The following EPX variants were observed in gnomAD, a reference collection of about 807,000 sequenced individuals.
EPX encodes eosinophil peroxidase.
In EPX, 60 loss-of-function variants were observed where a neutral mutation model predicts 73.0. The ratio of observed to expected loss-of-function variants is 0.82; its 90% confidence interval spans 0.67 to 1.02. The LOEUF is 1.02. EPX is among the 50% of genes least tolerant of loss of function. EPX has a pLI of 0.00. For missense variants in EPX, 950 were observed against 973.9 expected, an observed-to-expected ratio of 0.98 and a Z score of 0.33; for synonymous variants, 347 against 389.2, an observed-to-expected ratio of 0.89 and a Z score of 1.28.
chr17:58,199,789 A>G lies in EPX; in HGVS notation c.1532A>G (p.Tyr511Cys). Residue 511 changes from tyrosine to cysteine, a missense_variant, in exon 9 of 13, where the codon TAT (tyrosine) becomes TGT (cysteine). By Grantham distance (194) the Tyr-to-Cys change is radical (BLOSUM62 -2). Transcript: ENST00000225371. ...SAFFASWRIV[Y>C]EGGIDPILRG... ...TTCTTTGCCAGCTGGCGGATCGTGT[A>G]TGAAGGTGACCAGGTTTTCCAGGGG... 6.2e-7 allele frequency: 1 copy of G among 1,604,616 alleles called. No homozygotes were observed. Among genetic ancestry groups the G allele is most frequent in the Non-Finnish European group, 8.5e-7 (1 of 1,175,304 alleles).
At chr17:58,200,688 G>C (rs1968328710) in intron 10 of EPX, among the ~76,000 whole-genome samples, 1 of 152,192 alleles carries the variant, frequency 6.6e-6, no homozygotes, top group African/African-American at 2.4e-5. Flanking sequence ...TAGAAAAAAA[G>C]CAATAGGCTT....
chr17:58,198,768 C>T (rs1264720052), intron 7 of EPX, among the ~76,000 whole-genome samples: 2 of 152,206 alleles, frequency 1.3e-5, no homozygotes, highest in Non-Finnish European at 2.9e-5. Flanking sequence ...AATCCTTAGG[C>T]AAAGATGCCC....
intron 7 of EPX, 149 bp downstream of exon 7, chr17:58,197,406 T>C (rs1460307422): frequency 2.1e-6 from 2 of 962,790 alleles, no homozygotes; most frequent in Admixed American, 2.1e-5. Flanking sequence ...ACAGCCATCA[T>C]AGAATCAGAA....
At position 58,200,449 on chromosome 17, in the gene EPX, G is replaced by A; in HGVS notation, c.1708+54G>A. On this transcript the variant is annotated intron_variant, in intron 10 of 12. Coordinates refer to ENST00000225371, the MANE Select transcript of EPX (RefSeq NM_000502.6). The stretch of plus-strand genomic sequence containing the variant: ...GCTTTGCTCGGGCCAGGCTGCTCAA[G>A]GGGTTCTGGGAAGACCCTGGTACCT... 3.8e-6 allele frequency: 6 copies of A among 1,572,274 alleles called. No homozygotes were observed. In the South Asian group the frequency reaches 5.6e-5, roughly 15 times the overall value.
rs1968273181 is a variant in EPX at position 58,197,314 on chromosome 17, A to G, written c.1120+57A>G. On this transcript the variant is annotated intron_variant, in intron 7 of 12. Coordinates refer to ENST00000225371, the MANE Select transcript of EPX (RefSeq NM_000502.6). ...GGAAACAGCCATCCCTGGGGTCCCAACTGGGAAGCAATGGTGGGATGTGGT... is the reference window on the plus strand; with the variant it reads ...GGAAACAGCCATCCCTGGGGTCCCAGCTGGGAAGCAATGGTGGGATGTGGT... 2.5e-6 allele frequency: 4 copies of G among 1,590,498 alleles called. No individual in the cohort carries two copies. In the African/African-American group the frequency reaches 4.0e-5, roughly 16 times the overall value.
chr17:58,197,536 T>C (rs1379229090), intron 7 of EPX, among the ~76,000 whole-genome samples: 1 of 152,204 alleles, frequency 6.6e-6, no homozygotes, highest in Non-Finnish European at 1.5e-5. Context: ...GCTCCGACTG[T>C]TAGAAAGTCT....
chr17:58,197,998 G>C (rs930195991), intron 7 of EPX, among the ~76,000 whole-genome samples: 4 of 152,038 alleles, frequency 2.6e-5, no homozygotes, highest in Non-Finnish European at 4.4e-5. Context: ...ACCACGTTTG[G>C]CTAATTTTTG....
At chr17:58,195,944 C>CCTTT (rs1968249218) in intron 6 of EPX, among the ~76,000 whole-genome samples, 1 of 151,106 alleles carries the variant, frequency 6.6e-6, no homozygotes, top group Non-Finnish European at 1.5e-5. Context: ...CTCTCTCCTT[C>CCTTT]CTTCCTTCTT....
Position 58,199,714 on chromosome 17 carries a change from G to C in EPX, c.1457G>C (p.Ser486Thr). The stretch of plus-strand genomic sequence containing the variant: ...CAGCCCTTCATGTTCCGCTTGGACA[G>C]TCAGTACCGGGCCTCCGCACCCAAC... ...MLQPFMFRLD[S>T]QYRASAPNSH... Residue 486 changes from serine to threonine, a missense_variant, in exon 9 of 13, where the codon AGT becomes ACT. Transcript: ENST00000225371. The C allele has an allele frequency of 6.2e-7, 1 of 1,614,242 alleles. No individual in the cohort carries two copies. Among genetic ancestry groups the C allele is most frequent in the Non-Finnish European group, 8.5e-7 (1 of 1,180,038 alleles).
intron 5 of EPX, among the ~76,000 whole-genome samples, chr17:58,194,370 G>GT (rs966092250): frequency 4.7e-4 from 72 of 152,294 alleles, no homozygotes; most frequent in African/African-American, 1.7e-3. Context: ...GTGTTGTACG[G>GT]TTTTTTCTGA....
rs762203083 is a variant in EPX at position 58,195,120 on chromosome 17, G to A, written c.751G>A (p.Val251Ile). The A allele has an allele frequency of 2.5e-5, 40 of 1,614,016 alleles. No homozygotes were observed. Among genetic ancestry groups the A allele is most frequent in the East Asian group, 1.1e-4 (5 of 44,894 alleles). ...SPARVAFTAG[V>I]DCERTCAQLP... Reference sequence around the variant, plus strand: ...GGCCAGAGTGGCCTTCACTGCAGGCGTTGACTGTGAGAGGACCTGCGCCCA... The same window carrying A: ...GGCCAGAGTGGCCTTCACTGCAGGCATTGACTGTGAGAGGACCTGCGCCCA... Residue 251 changes from valine (V) to isoleucine (I), a missense_variant, in exon 6 of 13, where the codon GTT (valine) becomes ATT (isoleucine). Physicochemically the swap from Val to Ile is conservative, Grantham distance 29 (BLOSUM62 3). Transcript: ENST00000225371.
chr17:58,204,477 C>T, intron 12 of EPX, 43 bp downstream of exon 12: 1 of 1,240,092 alleles, frequency 8.1e-7, no homozygotes, highest in Non-Finnish European at 1.2e-6. Context: ...GGGTTAAGCC[C>T]TCACATCCTT....
chr17:58,193,514 A>T lies in EPX; in HGVS notation c.314A>T (p.Gln105Leu), dbSNP rs763289535. Residue 105 changes from glutamine to leucine, a missense_variant, in exon 3 of 13, where the codon CAA becomes CTA. Gln to Leu is a moderately radical substitution (Grantham distance 113). Transcript: ENST00000225371. ...VALGLLEEKL[Q>L]PQRSGPFNVT... ...TTGGGGCTGCTTGAAGAGAAGTTAC[A>T]ACCCCAGCGGTCCGGACCCTTCAAT... 3 of 1,614,164 alleles carry T rather than the reference A, an allele frequency of 1.9e-6. No individual in the cohort carries two copies. The Admixed American group carries it at 5.0e-5, about 27-fold the overall frequency.
At position 58,199,049 on chromosome 17, in the gene EPX, G is replaced by T. The variant is rs754901703; in HGVS notation, c.1130G>T (p.Arg377Leu). ...RIPCFLAGDTRSTETPKLAAM... is the reference protein window; with the variant it reads ...RIPCFLAGDTLSTETPKLAAM... ...GCTTGGGGTTTTCAAGGTGACACCC[G>T]ATCAACGGAAACCCCCAAACTGGCA... The change falls in exon 8 of 13, where the codon CGA becomes CTA. Residue 377 changes from arginine (R) to leucine (L), a missense_variant. Physicochemically the swap from Arg to Leu is moderately radical, Grantham distance 102. Transcript: ENST00000225371. The T allele has an allele frequency of 1.2e-6, 2 of 1,613,590 alleles. No homozygotes were observed. The highest frequency in any genetic ancestry group is 2.7e-5 in the African/African-American group (2 of 74,918).
In EPX at chr17:58,199,074, A is replaced by T; in HGVS notation, c.1155A>T (p.Ala385=). The change falls in exon 8 of 13, where the codon GCA becomes GCT. Residue 385 remains alanine, a synonymous_variant. Coordinates refer to ENST00000225371, the MANE Select transcript of EPX (RefSeq NM_000502.6). Reference sequence around the variant, plus strand: ...GATCAACGGAAACCCCCAAACTGGCAGCCATGCACACCCTCTTTATGCGAG... The same window carrying T: ...GATCAACGGAAACCCCCAAACTGGCTGCCATGCACACCCTCTTTATGCGAG... The part of the protein sequence containing the change: ...DTRSTETPKL[A]AMHTLFMREH... 6.2e-7 allele frequency: 1 copy of T among 1,614,108 alleles called. No homozygotes were observed.
chr17:58,194,458 A>G (rs774182152), intron 5 of EPX, among the ~76,000 whole-genome samples: 1 of 152,186 alleles, frequency 6.6e-6, no homozygotes, highest in African/African-American at 2.4e-5. Flanking sequence ...TCTATTTCAC[A>G]TTTATCAACT....
intron 10 of EPX, 142 bp downstream of exon 10, chr17:58,200,537 G>A (rs776623797): frequency 1.0e-5 from 9 of 868,342 alleles, no homozygotes; most frequent in African/African-American, 3.3e-5. Context: ...GGCCAAGGTC[G>A]ATGTCCCAAA....
Position 58,203,310 on chromosome 17 carries a change from C to T in EPX, c.1938C>T (p.Asp646=), listed in dbSNP as rs372165563. ...AGAACCAGTTCAGAAGAGCCCGAGA[C>T]GGAGACAGGTAAGTGACCCTATCAT... ...LFENQFRRAR[D]GDRFWWQKRG... The change falls in exon 11 of 13, where the codon GAC becomes GAT. Residue 646 remains aspartate, a synonymous_variant. Coordinates refer to ENST00000225371, the MANE Select transcript of EPX (RefSeq NM_000502.6). 16 of 1,609,836 alleles carry T rather than the reference C, an allele frequency of 9.9e-6. No individual in the cohort carries two copies. The highest frequency in any genetic ancestry group is 9.4e-5 in the African/African-American group (7 of 74,790).
Position 58,192,859 on chromosome 17 carries a change from C to A in EPX, c.13C>A (p.Pro5Thr). Residue 5 changes from proline to threonine, a missense_variant, in exon 1 of 13, where the codon CCA (proline) becomes ACA (threonine). Transcript: ENST00000225371. Reference sequence around the variant, plus strand: ...CCTCGCTGCAGAGATGCATCTGCTCCCAGCCCTGGCAGGGGTCCTGGCCAC... The same window carrying A: ...CCTCGCTGCAGAGATGCATCTGCTCACAGCCCTGGCAGGGGTCCTGGCCAC... MHLL[P>T]ALAGVLATLV... 1.2e-6 allele frequency: 2 copies of A among 1,614,014 alleles called. No homozygotes were observed. The highest frequency in any genetic ancestry group is 1.7e-6 in the Non-Finnish European group (2 of 1,179,968).
Sources: gnomAD v4.1 joint callset for allele counts (sites outside exome capture counted in the v4.1 genomes callset) on GRCh38, gnomAD v4.1.1 for gene constraint, MANE v1.5 for transcripts, NCBI Gene and HGNC (gene_info 2026-07-23, HGNC 2026-07-21) for gene names.